Variants in ADAMTSL1 observed in about 807,000 individuals in gnomAD.
ADAMTSL1 encodes the protein ADAMTS-like protein 1.
In ADAMTSL1, 126 loss-of-function variants were observed where a neutral mutation model predicts 201.8. The observed-to-expected ratio is 0.62, with a 90% CI of 0.54 to 0.72. ADAMTSL1 has a LOEUF of 0.72. ADAMTSL1 is among the 30% of genes least tolerant of loss of function. The pLI is 0.00. For synonymous variants in ADAMTSL1, 1,121 were observed against 903.4 expected (o/e 1.24, Z -4.32); for missense variants, 2,679 against 2,277.8 (o/e 1.18, Z -3.59).
At chr9:18,422,528 C>T (rs966370868) in intron 2 of ADAMTSL1, among the ~76,000 whole-genome samples, 1 of 152,128 alleles carries the variant, frequency 6.6e-6, no homozygotes, top group Admixed American at 6.6e-5. Flanking sequence ...TCGTTGTTCA[C>T]CCACACAGAC....
intron 1 of ADAMTSL1, among the ~76,000 whole-genome samples, chr9:18,103,719 T>G (rs1230768077): frequency 6.6e-6 from 1 of 152,298 alleles, no homozygotes; most frequent in South Asian, 2.1e-4. Flanking sequence ...GGAATTTTTT[T>G]GAAGTGAAAT....
intron 20 of ADAMTSL1, among the ~76,000 whole-genome samples, chr9:18,812,700 A>AT (rs1191893638): frequency 1.3e-5 from 2 of 152,100 alleles, no homozygotes; most frequent in African/African-American, 4.8e-5. Context: ...TCTTTGATCC[A>AT]TTTTTAATTT....
intron 1 of ADAMTSL1, among the ~76,000 whole-genome samples, chr9:18,044,311 A>C (rs563065215): frequency 6.6e-6 from 1 of 152,046 alleles, no homozygotes; most frequent in East Asian, 2.0e-4. Context: ...TTAGGACTTC[A>C]CCTGATAGAA....
chr9:18,526,375 A>T (rs1330863544), intron 2 of ADAMTSL1, among the ~76,000 whole-genome samples: 4 of 152,152 alleles, frequency 2.6e-5, no homozygotes, highest in Non-Finnish European at 1.5e-5. Flanking sequence ...ACACTGATGG[A>T]TCTTGGCTCT....
chr9:18,000,192 A>T (rs1819555454), intron 1 of ADAMTSL1, among the ~76,000 whole-genome samples: 1 of 151,054 alleles, frequency 6.6e-6, no homozygotes, highest in Non-Finnish European at 1.5e-5. Flanking sequence ...TGACTTCCAC[A>T]ATGGTTGAAC....
chr9:18,240,039 A>T (rs554429427), intron 2 of ADAMTSL1, among the ~76,000 whole-genome samples: 1 of 152,286 alleles, frequency 6.6e-6, no homozygotes, highest in African/African-American at 2.4e-5. Context: ...TGATATTTTG[A>T]CTGCCTCCCA....
intron 1 of ADAMTSL1, among the ~76,000 whole-genome samples, chr9:18,028,705 A>AG (rs778457106): frequency 4.6e-5 from 7 of 152,030 alleles, no homozygotes; most frequent in Non-Finnish European, 8.8e-5. Flanking sequence ...GATGCCTTCC[A>AG]CTTTGTTCTT....
chr9:17,963,603 G>T (rs1184662397), intron 1 of ADAMTSL1, among the ~76,000 whole-genome samples: 6 of 152,112 alleles, frequency 3.9e-5, no homozygotes, highest in Non-Finnish European at 8.8e-5. Flanking sequence ...GATTCTAAAA[G>T]GATAGACATT....
At chr9:18,660,975 C>A (rs559796650) in intron 8 of ADAMTSL1, among the ~76,000 whole-genome samples, 1 of 152,022 alleles carries the variant, frequency 6.6e-6, no homozygotes, top group East Asian at 1.9e-4. Flanking sequence ...TAGCAATAAC[C>A]GTGTTCAACC....
intron 2 of ADAMTSL1, among the ~76,000 whole-genome samples, chr9:18,374,448 C>G (rs1014312766): frequency 6.6e-6 from 1 of 151,924 alleles, no homozygotes; most frequent in African/African-American, 2.4e-5. Flanking sequence ...ATCCCCCAAC[C>G]TCAGCCTCCA....
rs555342877 is a variant in ADAMTSL1, at chr9:18,466,567, C to T, written c.208-38262C>T. Among the ~76,000 whole-genome samples, 3 of 152,108 alleles carry T rather than the reference C, an allele frequency of 2.0e-5. No individual in the cohort carries two copies. In the South Asian group the frequency reaches 6.2e-4, roughly 32 times the overall value. The stretch of plus-strand genomic sequence containing the variant: ...CATAAGTTAATTAGGTTAATTTAGC[C>T]ATTCCATAATGTTCAAAACATAATG... On this transcript the variant is annotated intron_variant, in intron 2 of 29. Transcript: ENST00000680146.
intron 2 of ADAMTSL1, among the ~76,000 whole-genome samples, chr9:18,348,412 G>A (rs992376336): frequency 1.3e-5 from 2 of 152,136 alleles, no homozygotes; most frequent in African/African-American, 4.8e-5. Context: ...ATGAATTTTG[G>A]ATTTTGGACA....
intron 2 of ADAMTSL1, among the ~76,000 whole-genome samples, chr9:18,368,895 G>A (rs910761397): frequency 8.5e-5 from 13 of 152,300 alleles, no homozygotes; most frequent in South Asian, 2.1e-4. Context: ...TGTGAGGAAA[G>A]TATAAAACAT....
At chr9:18,603,930 G>T (rs1291537699) in intron 4 of ADAMTSL1, among the ~76,000 whole-genome samples, 1 of 152,190 alleles carries the variant, frequency 6.6e-6, no homozygotes, top group Non-Finnish European at 1.5e-5. Context: ...AGATCTCTCA[G>T]CAAGGCAATC....
chr9:18,733,671 C>T (rs1330287686), intron 15 of ADAMTSL1, among the ~76,000 whole-genome samples: 1 of 140,626 alleles, frequency 7.1e-6, no homozygotes, highest in African/African-American at 2.6e-5. Context: ...TCTCTCTGCC[C>T]CCCACCCCAC....
At chr9:17,916,174 G>A (rs1826086091) in intron 1 of ADAMTSL1, among the ~76,000 whole-genome samples, 1 of 152,196 alleles carries the variant, frequency 6.6e-6, no homozygotes, top group Non-Finnish European at 1.5e-5. Flanking sequence ...GCTCACTTCA[G>A]CCTCCCAAAG....
chr9:18,232,999 A>G (rs1830700778), intron 2 of ADAMTSL1, among the ~76,000 whole-genome samples: 2 of 152,230 alleles, frequency 1.3e-5, no homozygotes, highest in African/African-American at 4.8e-5. Flanking sequence ...CACTAAAGTC[A>G]AAGGTGGAAG....
At chr9:17,938,559 C>T (rs903274563) in intron 1 of ADAMTSL1, among the ~76,000 whole-genome samples, 5 of 152,124 alleles carry the variant, frequency 3.3e-5, no homozygotes, top group African/African-American at 1.2e-4. Flanking sequence ...CCACTAGCTG[C>T]AGGTGTTCCT....
rs1167742149 is a variant in ADAMTSL1, at chr9:18,676,332, T to C, written c.1136+425T>C. Among the ~76,000 whole-genome samples the C allele has an allele frequency of 2.6e-5, 4 of 152,246 alleles. No homozygotes were observed. The East Asian group carries it at 7.7e-4, about 29-fold the overall frequency. Reference sequence around the variant, plus strand: ...CACTAACATGGAATTCCAGATGTGATATTATTCTGCATAGGGGCTTTAAAT... The same window carrying C: ...CACTAACATGGAATTCCAGATGTGACATTATTCTGCATAGGGGCTTTAAAT... On this transcript the variant is annotated intron_variant, in intron 10 of 28. Coordinates refer to ENST00000380548, the MANE Select transcript of ADAMTSL1 (RefSeq NM_001040272.6).
Sources: allele counts gnomAD v4.1 joint callset (sites outside exome capture counted in the v4.1 genomes callset), GRCh38; gene constraint gnomAD v4.1.1; transcripts MANE v1.5; gene names NCBI Gene and HGNC (gene_info 2026-07-23, HGNC 2026-07-21).